LMTK2: variants seen among roughly 807,000 people sequenced by gnomAD.
The protein encoded by LMTK2 is lemur tail kinase 2, also known as serine/threonine-protein kinase LMTK2.
LMTK2 carries 37 observed loss-of-function variants against 127.5 expected under a neutral mutation model. The observed-to-expected ratio is 0.29, with a 90% CI of 0.22 to 0.38. The LOEUF (loss-of-function observed/expected upper bound fraction) is 0.38. LMTK2 is among the 10% of genes least tolerant of loss of function. The pLI, the probability that LMTK2 is intolerant of heterozygous loss-of-function variation, is 1.00. For synonymous variants in LMTK2, 819 were observed against 810.1 expected, an observed-to-expected ratio of 1.01 and a Z score of -0.19; for missense variants, 1,694 against 1,920.3, an observed-to-expected ratio of 0.88 and a Z score of 2.20.
At chr7:98,116,113 C>CA (rs747512783) in intron 1 of LMTK2, among the ~76,000 whole-genome samples, 6 of 152,110 alleles carry the variant, frequency 3.9e-5, no homozygotes, top group Non-Finnish European at 5.9e-5. Flanking sequence ...AGGCTGGTCT[C>CA]AAACTCCTGG....
chr7:98,181,381 T>C (rs1797353509), intron 7 of LMTK2, among the ~76,000 whole-genome samples: 1 of 152,140 alleles, frequency 6.6e-6, no homozygotes, highest in South Asian at 2.1e-4. Flanking sequence ...ACTCAAGGGA[T>C]CCTCCCTCCT....
intron 7 of LMTK2, among the ~76,000 whole-genome samples, chr7:98,174,104 T>TAA (rs11351887): frequency 2.3e-3 from 270 of 117,906 alleles, no homozygotes; most frequent in East Asian, 0.017. Context: ...CATTTTGTTG[T>TAA]AAAAAAAAAA....
At chr7:98,141,137 C>G (rs1796692734) in intron 2 of LMTK2, among the ~76,000 whole-genome samples, 2 of 150,310 alleles carry the variant, frequency 1.3e-5, no homozygotes. Flanking sequence ...GCCTAGAAAA[C>G]TATTTTTGTG....
rs1797770543 is a variant in LMTK2 at position 98,205,177 on chromosome 7, GATAAC to G, written c.4484-285_4484-281del. Among the ~76,000 whole-genome samples the G allele has an allele frequency of 8.5e-5, 13 of 152,344 alleles. No homozygotes were observed. The South Asian group carries it at 2.7e-3, about 32-fold the overall frequency. On this transcript the variant is annotated intron_variant, in intron 13 of 13. Coordinates refer to ENST00000297293, the MANE Select transcript of LMTK2 (RefSeq NM_014916.4). ...CGCTAGGCTTCATTTGTGCCGATTA[GATAAC>G]ACCTGCTATCTGCCAGTCTGTCGGG...
At chr7:98,148,655 T>A (rs1045629523) in intron 3 of LMTK2, among the ~76,000 whole-genome samples, 1 of 152,216 alleles carries the variant, frequency 6.6e-6, no homozygotes, top group African/African-American at 2.4e-5. Flanking sequence ...CATAATTTCT[T>A]TGTTGGAAAC....
chr7:98,200,729 T>C (rs556911675), intron 11 of LMTK2, among the ~76,000 whole-genome samples: 1 of 152,386 alleles, frequency 6.6e-6, no homozygotes, highest in African/African-American at 2.4e-5. Context: ...CACATCCTCC[T>C]GCAGACTTTC....
Position 98,192,103 on chromosome 7 carries a change from T to C in LMTK2, c.1638T>C (p.Ser546=), listed in dbSNP as rs763016889. 6.4e-7 allele frequency: 1 copy of C among 1,557,720 alleles called. No individual in the cohort carries two copies. Among genetic ancestry groups the C allele is most frequent in the Admixed American group, 2.0e-5 (1 of 50,444 alleles). The change falls in exon 11 of 14, where the codon TCT becomes TCC. Residue 546 remains serine (S), a synonymous_variant. Transcript: ENST00000297293. Reference sequence around the variant, plus strand: ...CTGTTTTTGATGCCCACAACCTTTCTGTTGGAAGCGACTATTATATCCAGT... The same window carrying C: ...CTGTTTTTGATGCCCACAACCTTTCCGTTGGAAGCGACTATTATATCCAGT... ...VVPVFDAHNL[S]VGSDYYIQLE... is the part of the protein sequence containing the mutation.
At chr7:98,173,873 G>A (rs963643186) in intron 7 of LMTK2, among the ~76,000 whole-genome samples, 4 of 152,060 alleles carry the variant, frequency 2.6e-5, no homozygotes, top group Non-Finnish European at 4.4e-5. Flanking sequence ...TGGCTAACAC[G>A]GTGAAACCCC....
intron 3 of LMTK2, among the ~76,000 whole-genome samples, chr7:98,150,158 A>G (rs1263924095): frequency 6.6e-6 from 1 of 152,098 alleles, no homozygotes; most frequent in African/African-American, 2.4e-5. Context: ...AAATACAAAA[A>G]GTAGTCGGGC....
chr7:98,118,277 A>G (rs1796315493), intron 1 of LMTK2, among the ~76,000 whole-genome samples: 1 of 152,234 alleles, frequency 6.6e-6, no homozygotes, highest in African/African-American at 2.4e-5. Flanking sequence ...TAAATATATG[A>G]AAAATAGATT....
intron 3 of LMTK2, among the ~76,000 whole-genome samples, chr7:98,144,247 G>A (rs893562497): frequency 9.2e-5 from 14 of 151,828 alleles, no homozygotes; most frequent in African/African-American, 3.1e-4. Context: ...TGGCTAATAC[G>A]GTGAAACTCC....
chr7:98,166,374 G>A (rs532047130), intron 6 of LMTK2, among the ~76,000 whole-genome samples: 14 of 152,280 alleles, frequency 9.2e-5, no homozygotes, highest in African/African-American at 2.9e-4. Flanking sequence ...AGGCTGATGG[G>A]GGCCTCACTG....
At chr7:98,140,010 T>C (rs1459232920) in intron 2 of LMTK2, among the ~76,000 whole-genome samples, 2 of 152,144 alleles carry the variant, frequency 1.3e-5, no homozygotes, top group Non-Finnish European at 2.9e-5. Flanking sequence ...GGTATACCAG[T>C]TCACCAGAAT....
At chr7:98,108,946 C>T (rs747764175) in intron 1 of LMTK2, among the ~76,000 whole-genome samples, 98 of 151,284 alleles carry the variant, frequency 6.5e-4, no homozygotes, top group Non-Finnish European at 7.4e-4. Flanking sequence ...GACTGCAACC[C>T]CCCCCTTCCG....
chr7:98,177,963 T>C (rs1022306106), intron 7 of LMTK2, among the ~76,000 whole-genome samples: 5 of 152,162 alleles, frequency 3.3e-5, no homozygotes, highest in Non-Finnish European at 7.3e-5. Flanking sequence ...GAAGCTTAAG[T>C]CTTTGTGGCT....
rs578102226 is a variant in LMTK2, at chr7:98,184,138, T to G, written c.792-913T>G. Among the ~76,000 whole-genome samples the G allele has an allele frequency of 4.6e-5, 7 of 152,206 alleles. No homozygotes were observed. The South Asian group carries it at 1.5e-3, about 32-fold the overall frequency. ...CAAGTGCCCTGTTCAACCCTTGACT[T>G]GGGGTTTTGTACATTGTTATGGTTC... On this transcript the variant is annotated intron_variant, in intron 7 of 13. Transcript: ENST00000297293.
chr7:98,119,718 C>T (rs531304406), intron 1 of LMTK2, among the ~76,000 whole-genome samples: 3 of 152,222 alleles, frequency 2.0e-5, no homozygotes, highest in East Asian at 1.9e-4. Context: ...GCAGGTGACT[C>T]GTAGGGAAAT....
intron 1 of LMTK2, among the ~76,000 whole-genome samples, chr7:98,127,171 G>A (rs1007442657): frequency 2.2e-4 from 33 of 152,258 alleles, no homozygotes; most frequent in African/African-American, 6.7e-4. Flanking sequence ...TAAGTTTGAG[G>A]CGTTAAATAA....
intron 1 of LMTK2, among the ~76,000 whole-genome samples, chr7:98,121,019 C>T (rs183109090): frequency 8.9e-4 from 135 of 152,244 alleles, no homozygotes; most frequent in South Asian, 2.3e-3. Flanking sequence ...ATGTTGGGAC[C>T]GTAAATCCTA....
Sources: gnomAD v4.1 joint callset for allele counts (sites outside exome capture counted in the v4.1 genomes callset) on GRCh38, gnomAD v4.1.1 for gene constraint, MANE v1.5 for transcripts, NCBI Gene and HGNC (gene_info 2026-07-23, HGNC 2026-07-21) for gene names.